The following DLG2 variants were observed in gnomAD, a reference collection of about 807,000 sequenced individuals.
The protein encoded by DLG2 is disks large homolog 2.
In DLG2, 45 loss-of-function variants were observed where a neutral mutation model predicts 132.5. The ratio of observed to expected loss-of-function variants is 0.34; its 90% confidence interval spans 0.27 to 0.44. The LOEUF is 0.44. Ranked by LOEUF, DLG2 falls within the 20% of genes least tolerant of loss-of-function variation. The pLI, the probability that DLG2 is intolerant of heterozygous loss-of-function variation, is 1.00. For synonymous variants in DLG2, 424 were observed against 419.6 expected, an observed-to-expected ratio of 1.01 and a Z score of -0.13; for missense variants, 1,045 against 1,196.9, an observed-to-expected ratio of 0.87 and a Z score of 1.87.
chr11:84,855,668 G>C (rs1315978750), intron 6 of DLG2, among the ~76,000 whole-genome samples: 3 of 151,998 alleles, frequency 2.0e-5, no homozygotes, highest in Non-Finnish European at 4.4e-5. Context: ...CATGAGTTAG[G>C]GCTAGGAGTT....
At chr11:85,480,991 G>T (rs567169594) in intron 3 of DLG2, among the ~76,000 whole-genome samples, 2 of 152,182 alleles carry the variant, frequency 1.3e-5, no homozygotes, top group Non-Finnish European at 2.9e-5. Flanking sequence ...GTTTTGCCTC[G>T]CTGGCTGGGT....
chr11:84,405,336 C>T (rs1043339947), intron 7 of DLG2, among the ~76,000 whole-genome samples: 25 of 152,166 alleles, frequency 1.6e-4, no homozygotes, highest in African/African-American at 5.8e-4. Context: ...GACCAAGCAC[C>T]ATACATTCAC....
chr11:84,152,248 G>C (rs2095314203), intron 9 of DLG2, among the ~76,000 whole-genome samples: 1 of 152,098 alleles, frequency 6.6e-6, no homozygotes, highest in Non-Finnish European at 1.5e-5. Flanking sequence ...ATATATTTAG[G>C]ATAGTTAAGT....
intron 15 of DLG2, among the ~76,000 whole-genome samples, chr11:83,917,681 T>C (rs1189163158): frequency 1.3e-5 from 2 of 152,162 alleles, no homozygotes; most frequent in Non-Finnish European, 2.9e-5. Flanking sequence ...AAGAAGAGCT[T>C]CCATTAAATG....
At chr11:83,854,115 T>C (rs917913483) in intron 16 of DLG2, among the ~76,000 whole-genome samples, 1 of 152,070 alleles carries the variant, frequency 6.6e-6, no homozygotes, top group Non-Finnish European at 1.5e-5. Context: ...ATTACAAATA[T>C]AATGCCATTT....
intron 6 of DLG2, among the ~76,000 whole-genome samples, chr11:84,611,124 T>G (rs2154537479): frequency 6.6e-6 from 1 of 152,072 alleles, no homozygotes; most frequent in South Asian, 2.1e-4. Flanking sequence ...TATTCAAATC[T>G]ACTATTTACT....
intron 4 of DLG2, among the ~76,000 whole-genome samples, chr11:85,220,300 G>A (rs1451119583): frequency 6.6e-6 from 1 of 152,076 alleles, no homozygotes; most frequent in African/African-American, 2.4e-5. Flanking sequence ...CACCAAGAAG[G>A]TGCTATTTAA....
intron 8 of DLG2, among the ~76,000 whole-genome samples, chr11:84,236,688 A>G (rs2097162238): frequency 1.3e-5 from 2 of 152,200 alleles, no homozygotes; most frequent in South Asian, 4.1e-4. Flanking sequence ...TACCAAGTTA[A>G]CAGGTGGCAG....
intron 3 of DLG2, among the ~76,000 whole-genome samples, chr11:85,366,346 T>C (rs952661619): frequency 6.6e-6 from 1 of 152,148 alleles, no homozygotes; most frequent in Non-Finnish European, 1.5e-5. Flanking sequence ...GTAGCTTTTT[T>C]TCTTCTTTGC....
chr11:85,015,742 G>A (rs186110627), intron 6 of DLG2, among the ~76,000 whole-genome samples: 4 of 152,168 alleles, frequency 2.6e-5, no homozygotes, highest in Non-Finnish European at 5.9e-5. Flanking sequence ...TCAGTAAACC[G>A]TAGCTATTTA....
intron 4 of DLG2, among the ~76,000 whole-genome samples, chr11:85,213,636 CTAAGT>C (rs777570953): frequency 2.0e-5 from 3 of 152,086 alleles, no homozygotes; most frequent in Non-Finnish European, 2.9e-5. Flanking sequence ...TTTTATCAGC[CTAAGT>C]TCTCTGTTGA....
intron 6 of DLG2, among the ~76,000 whole-genome samples, chr11:84,779,191 TGC>T (rs1346870611): frequency 7.3e-6 from 1 of 136,862 alleles, no homozygotes; most frequent in East Asian, 1.9e-4. Context: ...TATATATATG[TGC>T]GCACACACAC....
At chr11:83,578,182 T>C (rs1465401794) in intron 19 of DLG2, among the ~76,000 whole-genome samples, 1 of 150,872 alleles carries the variant, frequency 6.6e-6, no homozygotes, top group Non-Finnish European at 1.5e-5. Context: ...TGAAGTATTA[T>C]AATATTGATA....
chr11:84,123,378 G>A (rs1213908089), intron 9 of DLG2, among the ~76,000 whole-genome samples: 1 of 152,136 alleles, frequency 6.6e-6, no homozygotes, highest in Non-Finnish European at 1.5e-5. Context: ...TAATGCAAAA[G>A]CCAAGTCAAA....
intron 15 of DLG2, among the ~76,000 whole-genome samples, chr11:83,888,277 A>G (rs958850103): frequency 1.3e-5 from 2 of 152,230 alleles, no homozygotes; most frequent in African/African-American, 4.8e-5. Context: ...TCAATGTACA[A>G]AAATCACAAG....
intron 5 of DLG2, among the ~76,000 whole-genome samples, chr11:85,113,881 T>C (rs2073154660): frequency 6.6e-6 from 1 of 151,996 alleles, no homozygotes; most frequent in South Asian, 2.1e-4. Context: ...AGATCATTTA[T>C]CATTCTGATA....
chr11:85,177,194 A>G (rs1172017861), intron 4 of DLG2, among the ~76,000 whole-genome samples: 4 of 151,936 alleles, frequency 2.6e-5, no homozygotes, highest in African/African-American at 9.7e-5. Context: ...TAGCAAAGAC[A>G]TGGAAACAGC....
chr11:84,917,050 T>A (rs1893050), intron 6 of DLG2, among the ~76,000 whole-genome samples: 1 of 152,232 alleles, frequency 6.6e-6, no homozygotes, highest in Non-Finnish European at 1.5e-5. Context: ...TTAGCACTTA[T>A]CACTATGTAC....
In DLG2 at chr11:84,540,385, T is replaced by C. The variant is rs551765437; in HGVS notation, c.358-5654A>G. 3.8e-3 allele frequency among the ~76,000 whole-genome samples: 563 copies of C among 147,056 alleles called. 4 individuals are homozygous for C. The highest frequency in any genetic ancestry group is 3.5e-3 in the Admixed American group (52 of 14,770). On this transcript the variant is annotated intron_variant, in intron 6 of 27. Coordinates refer to ENST00000376104, the MANE Select transcript of DLG2 (RefSeq NM_001142699.3). ...ACCCCATCAAAAAGTGGGCAAAGGA[T>C]ATGAACAGACACTTCTCAAAAGAAG...
Sources: gnomAD v4.1 joint callset for allele counts (sites outside exome capture counted in the v4.1 genomes callset) on GRCh38, gnomAD v4.1.1 for gene constraint, MANE v1.5 for transcripts, NCBI Gene and HGNC (gene_info 2026-07-23, HGNC 2026-07-21) for gene names.